The following PTPRG variants were observed in gnomAD, a reference collection of about 807,000 sequenced individuals.
The protein encoded by PTPRG is receptor-type tyrosine-protein phosphatase gamma.
In PTPRG, 102 loss-of-function variants were observed where a neutral mutation model predicts 165.3. That is an observed-to-expected ratio of 0.62 (90% CI 0.53 to 0.73). The LOEUF (loss-of-function observed/expected upper bound fraction) is 0.73, where lower values mean the gene tolerates loss of function less well. Among genes scored for constraint, PTPRG ranks in the 30% least tolerant of loss-of-function variants. The pLI, the probability that PTPRG is intolerant of heterozygous loss-of-function variation, is 0.00. For missense variants in PTPRG, 1,866 were observed against 1,861.4 expected (o/e 1.00, Z -0.05); for synonymous variants, 675 against 669.5 (o/e 1.01, Z -0.13).
At chr3:61,647,880 C>T (rs1047453799) in intron 1 of PTPRG, among the ~76,000 whole-genome samples, 10 of 150,224 alleles carry the variant, frequency 6.7e-5, no homozygotes, top group African/African-American at 2.4e-4. Context: ...TGTTTGGTGC[C>T]CTTGATGCCT....
chr3:61,708,347 G>C (rs1241971637), intron 1 of PTPRG, among the ~76,000 whole-genome samples: 1 of 151,184 alleles, frequency 6.6e-6, no homozygotes, highest in Non-Finnish European at 1.5e-5. Flanking sequence ...TCAGGAGCAT[G>C]AGGACACTGG....
At chr3:61,787,684 A>G (rs748954270) in intron 2 of PTPRG, among the ~76,000 whole-genome samples, 1 of 152,198 alleles carries the variant, frequency 6.6e-6, no homozygotes, top group Non-Finnish European at 1.5e-5. Context: ...GGTATGATGG[A>G]CACAATTATA....
chr3:61,911,556 C>A (rs1007646807), intron 2 of PTPRG, among the ~76,000 whole-genome samples: 1 of 152,010 alleles, frequency 6.6e-6, no homozygotes, highest in Non-Finnish European at 1.5e-5. Flanking sequence ...ATATTGTCTA[C>A]AAGTGTATTT....
At chr3:62,019,590 T>A (rs969954241) in intron 4 of PTPRG, among the ~76,000 whole-genome samples, 3 of 151,698 alleles carry the variant, frequency 2.0e-5, no homozygotes, top group Admixed American at 6.6e-5. Context: ...ACAGGGTGAT[T>A]ATAATGAATG....
chr3:62,014,024 C>T (rs750212979), intron 4 of PTPRG, among the ~76,000 whole-genome samples: 4 of 152,168 alleles, frequency 2.6e-5, no homozygotes, highest in Non-Finnish European at 4.4e-5. Context: ...ACACCACCAA[C>T]TGCCTTTTTC....
At chr3:62,075,531 A>G (rs975630107) in intron 4 of PTPRG, among the ~76,000 whole-genome samples, 1 of 152,240 alleles carries the variant, frequency 6.6e-6, no homozygotes, top group Non-Finnish European at 1.5e-5. Context: ...GTCTTAGGAA[A>G]AAGAATTACC....
intron 6 of PTPRG, among the ~76,000 whole-genome samples, chr3:62,138,070 A>G (rs1280776505): frequency 6.6e-6 from 1 of 152,160 alleles, no homozygotes; most frequent in Non-Finnish European, 1.5e-5. Flanking sequence ...TTCTTAGACC[A>G]CTGCTGCACT....
chr3:61,969,038 C>T (rs2040331764), intron 2 of PTPRG, among the ~76,000 whole-genome samples: 1 of 152,190 alleles, frequency 6.6e-6, no homozygotes, highest in African/African-American at 2.4e-5. Flanking sequence ...TGTACTCCTA[C>T]TCCATGTGAG....
chr3:62,116,760 T>C (rs1366011493), intron 5 of PTPRG, among the ~76,000 whole-genome samples: 1 of 152,176 alleles, frequency 6.6e-6, no homozygotes, highest in African/African-American at 2.4e-5. Flanking sequence ...TACACCTCAA[T>C]GAAAAATAAA....
chr3:61,748,726 G>GT (rs11328533), intron 1 of PTPRG, 152 bp from the exon 2 acceptor site: 18,235 of 501,898 alleles, frequency 0.036, 1 homozygote, highest in South Asian at 0.066. Context: ...CTTTCCTATA[G>GT]TTTTTTTTTT....
At chr3:62,031,112 A>C (rs1293566837) in intron 4 of PTPRG, among the ~76,000 whole-genome samples, 2 of 152,214 alleles carry the variant, frequency 1.3e-5, no homozygotes, top group Non-Finnish European at 2.9e-5. Context: ...GGAAGGATGA[A>C]CAAATACGTA....
At chr3:61,897,335 C>G (rs370268543) in intron 2 of PTPRG, among the ~76,000 whole-genome samples, 24 of 152,130 alleles carry the variant, frequency 1.6e-4, no homozygotes, top group African/African-American at 5.8e-4. Context: ...TACTTTGGCA[C>G]CATCTGTTGA....
At chr3:61,624,899 T>C (rs561785791) in intron 1 of PTPRG, among the ~76,000 whole-genome samples, 1 of 152,292 alleles carries the variant, frequency 6.6e-6, no homozygotes, top group African/African-American at 2.4e-5. Context: ...GGACATTTAC[T>C]GTCTCACAGT....
At chr3:62,256,959 C>T (rs1701550724) in intron 16 of PTPRG, among the ~76,000 whole-genome samples, 1 of 152,110 alleles carries the variant, frequency 6.6e-6, no homozygotes, top group Non-Finnish European at 1.5e-5. Context: ...CTTTAATCGC[C>T]TACATTGAAC....
At position 62,222,787 on chromosome 3, in the gene PTPRG, CT is replaced by C. The variant is rs1489603075; in HGVS notation, c.2288+3806del. On this transcript the variant is annotated intron_variant, in intron 13 of 29. Transcript: ENST00000474889. This position sits in a 1 kb window ranked among gnomAD's most constrained non-coding sequence, Gnocchi z 4.5. Reference sequence around the variant, plus strand: ...TCAGCTTCCTATTATTTATGCAATGCTTACAGAGTTCCTGCCATGCATCCTG... The same window carrying C: ...TCAGCTTCCTATTATTTATGCAATGCTACAGAGTTCCTGCCATGCATCCTG... Among the ~76,000 whole-genome samples the C allele has an allele frequency of 1.3e-5, 2 of 152,180 alleles. No individual in the cohort carries two copies. Among genetic ancestry groups the C allele is most frequent in the African/African-American group, 4.8e-5 (2 of 41,442 alleles).
chr3:61,708,443 CTTTTTTTTTT>C (rs61136954), intron 1 of PTPRG, among the ~76,000 whole-genome samples: 18 of 75,908 alleles, frequency 2.4e-4, no homozygotes, highest in South Asian at 1.6e-3. Flanking sequence ...CTCTGCAAAT[CTTTTTTTTTT>C]TTTTTTTTTT....
At chr3:61,744,358 A>AGAGT (rs2033115370) in intron 1 of PTPRG, among the ~76,000 whole-genome samples, 1 of 152,214 alleles carries the variant, frequency 6.6e-6, no homozygotes, top group Non-Finnish European at 1.5e-5. Context: ...CGAACATCAT[A>AGAGT]GAGTGTACTT....
Position 62,168,104 on chromosome 3 carries a change from C to A in PTPRG, c.974C>A (p.Ser325Tyr). The change falls in exon 8 of 30, where the codon TCC becomes TAC. Residue 325 changes from serine (S) to tyrosine (Y), a missense_variant. Around this residue, in one of 3 missense-constraint regions of PTPRG, gnomAD observed 1,452 missense variants for 1,463.0 expected, o/e 0.99. Coordinates refer to ENST00000474889, the MANE Select transcript of PTPRG (RefSeq NM_002841.4). ...GTGTCCAAGTCCGCCGTCCGTGACT[C>A]CTGGAACCACGACATGACAGACTTC... ...RVVSKSAVRD[S>Y]WNHDMTDFLE... The A allele has an allele frequency of 6.2e-7, 1 of 1,614,052 alleles. No individual in the cohort carries two copies. Among genetic ancestry groups the A allele is most frequent in the South Asian group, 1.1e-5 (1 of 91,076 alleles).
At chr3:61,768,606 A>G (rs2034109103) in intron 2 of PTPRG, among the ~76,000 whole-genome samples, 1 of 152,230 alleles carries the variant, frequency 6.6e-6, no homozygotes, top group Non-Finnish European at 1.5e-5. Flanking sequence ...TGACCATGGA[A>G]GATTGGGAAA....
Sources: allele counts gnomAD v4.1 joint callset (sites outside exome capture counted in the v4.1 genomes callset), GRCh38; gene constraint gnomAD v4.1.1; regional missense constraint gnomAD v4.1.1; non-coding constraint Gnocchi (gnomAD v3.1); transcripts MANE v1.5; gene names NCBI Gene and HGNC (gene_info 2026-07-23, HGNC 2026-07-21).